SRGAP3: variants seen among roughly 807,000 people sequenced by gnomAD.
SRGAP3 encodes SLIT-ROBO Rho GTPase activating protein 3.
In SRGAP3, 39 loss-of-function variants were observed where a neutral mutation model predicts 121.1. The ratio of observed to expected loss-of-function variants is 0.32; its 90% confidence interval spans 0.25 to 0.42. The LOEUF (loss-of-function observed/expected upper bound fraction) is 0.42. SRGAP3 is among the 10% of genes least tolerant of loss of function. The pLI, the probability that SRGAP3 is intolerant of heterozygous loss-of-function variation, is 1.00. For missense variants in SRGAP3, 1,213 were observed against 1,470.6 expected, an observed-to-expected ratio of 0.82 and a Z score of 2.86; for synonymous variants, 601 against 570.0, an observed-to-expected ratio of 1.05 and a Z score of -0.77.
At chr3:9,085,142 C>T (rs1474779601) in intron 3 of SRGAP3, among the ~76,000 whole-genome samples, 2 of 152,252 alleles carry the variant, frequency 1.3e-5, no homozygotes, top group African/African-American at 2.4e-5. Context: ...GACTTTCTCT[C>T]TGGCAATGAA....
intron 2 of SRGAP3, among the ~76,000 whole-genome samples, chr3:9,115,911 G>A (rs1948787062): frequency 6.6e-6 from 1 of 152,134 alleles, no homozygotes; most frequent in Admixed American, 6.5e-5. Context: ...AAACCAAACA[G>A]TATATTCAAT....
chr3:9,348,953 C>T (rs914250834), intron 1 of SRGAP3: 1 of 941,132 alleles, frequency 1.1e-6, no homozygotes. Flanking sequence ...AGAAATAGTT[C>T]CCCAGATCAA....
At chr3:9,204,220 A>G (rs1952180818) in intron 1 of SRGAP3, among the ~76,000 whole-genome samples, 1 of 152,208 alleles carries the variant, frequency 6.6e-6, no homozygotes, top group African/African-American at 2.4e-5. Context: ...GCCCTGTGTG[A>G]CCCTCAGAAA....
intron 1 of SRGAP3, among the ~76,000 whole-genome samples, chr3:9,240,824 C>T (rs981383188): frequency 1.3e-5 from 2 of 152,172 alleles, no homozygotes; most frequent in Admixed American, 6.5e-5. Flanking sequence ...GCATCACAGC[C>T]GTGCGGGCAG....
chr3:9,109,585 A>G lies in SRGAP3; in HGVS notation c.261-4743T>C, dbSNP rs1224228805. On this transcript the variant is annotated intron_variant, in intron 2 of 21. Transcript: ENST00000383836. The surrounding 1 kb of genome is among the most constrained non-coding windows in gnomAD (Gnocchi z 4.4). ...AGGTGCTGCGAGTGCAGGAGCAACCAAGGCTGCAAGACCCTGCCCTGCAAG... is the reference window on the plus strand; with the variant it reads ...AGGTGCTGCGAGTGCAGGAGCAACCGAGGCTGCAAGACCCTGCCCTGCAAG... Among the ~76,000 whole-genome samples, 2 of 152,174 alleles carry G rather than the reference A, an allele frequency of 1.3e-5. No homozygotes were observed. Among genetic ancestry groups the G allele is most frequent in the Non-Finnish European group, 2.9e-5 (2 of 68,024 alleles).
In SRGAP3 at chr3:9,053,032, A is replaced by C. The variant is rs1945659566; in HGVS notation, c.1318T>G (p.Phe440Val). 1 of 1,613,978 alleles carries C rather than the reference A, an allele frequency of 6.2e-7. No homozygotes were observed. Among genetic ancestry groups the C allele is most frequent in the African/African-American group, 1.3e-5 (1 of 75,024 alleles). The stretch of plus-strand genomic sequence containing the variant: ...GGGCCCAGGATGCCACTTACTGTAA[A>C]ATAAAACATTTCTGTTTCCTGCTGG... The part of the protein sequence containing the change: ...ANQQETEMFY[F>V]TKFKEYVNGS... Residue 440 changes from phenylalanine to valine, a missense_variant, in exon 9 of 22, where the codon TTT (phenylalanine) becomes GTT (valine). Physicochemically the swap from Phe to Val is conservative, Grantham distance 50 (BLOSUM62 -1). This residue lies in a region of SRGAP3 where 793 missense variants were observed against 1,032.9 expected (regional missense o/e 0.77). Transcript: ENST00000383836.
chr3:9,198,747 T>G (rs1951984218), intron 1 of SRGAP3, among the ~76,000 whole-genome samples: 1 of 152,192 alleles, frequency 6.6e-6, no homozygotes. Context: ...CCCAGAGGCC[T>G]TGTCCTTTCT....
In SRGAP3 at chr3:9,137,417, C is replaced by G. The variant is rs191097418; in HGVS notation, c.68-12500G>C. ...CAGTGCTGGGTGAAGTGACTGGCAT[C>G]TCCCACACTGATTCTCACCACTACC... On this transcript the variant is annotated intron_variant, in intron 1 of 21. Transcript: ENST00000383836. Among the ~76,000 whole-genome samples the G allele has an allele frequency of 2.6e-4, 39 of 152,224 alleles. No individual in the cohort carries two copies. The East Asian group carries it at 7.0e-3, about 27-fold the overall frequency.
intron 3 of SRGAP3, 24 bp from the exon 4 acceptor site, chr3:9,080,111 C>A: frequency 6.2e-7 from 1 of 1,613,896 alleles, no homozygotes; most frequent in East Asian, 2.2e-5. Flanking sequence ...GAACAAATGT[C>A]AGCGGGGGAG....
At chr3:9,027,462 G>T (rs1385807566) in intron 12 of SRGAP3, among the ~76,000 whole-genome samples, 3 of 152,168 alleles carry the variant, frequency 2.0e-5, no homozygotes, top group African/African-American at 7.2e-5. Context: ...AGCAAGGCTG[G>T]CCCCTGGTGG....
intron 1 of SRGAP3, among the ~76,000 whole-genome samples, chr3:9,179,580 AC>A (rs1199093326): frequency 1.3e-5 from 2 of 152,244 alleles, no homozygotes; most frequent in Admixed American, 6.5e-5. Context: ...TAAGGTCACA[AC>A]AAGAAGTCAA....
At chr3:9,154,287 T>G (rs1031110350) in intron 1 of SRGAP3, among the ~76,000 whole-genome samples, 6 of 152,090 alleles carry the variant, frequency 3.9e-5, no homozygotes, top group African/African-American at 1.4e-4. Flanking sequence ...CAGTGTTCAT[T>G]TCTTCACCAC....
At chr3:9,224,826 C>T (rs566848184) in intron 1 of SRGAP3, among the ~76,000 whole-genome samples, 2 of 152,240 alleles carry the variant, frequency 1.3e-5, no homozygotes, top group African/African-American at 2.4e-5. Context: ...GCTGGCTGTG[C>T]AGGGAAGTGG....
At chr3:9,240,435 C>T (rs1426302554) in intron 1 of SRGAP3, among the ~76,000 whole-genome samples, 2 of 152,116 alleles carry the variant, frequency 1.3e-5, no homozygotes, top group African/African-American at 2.4e-5. Flanking sequence ...CAGGAGGCAG[C>T]CCAAACTCAC....
chr3:9,095,740 T>G lies in SRGAP3; in HGVS notation c.423+8940A>C, dbSNP rs115902044. Among the ~76,000 whole-genome samples the G allele has an allele frequency of 8.1e-4, 124 of 152,298 alleles. 1 individual carries two copies. Among genetic ancestry groups the G allele is most frequent in the South Asian group, 1.4e-3 (7 of 4,828 alleles). ...TATCACTCCAGAGGAAGCCTTGATATCTGATAAGGCCAATCCTCCAACAAA... is the reference window on the plus strand; with the variant it reads ...TATCACTCCAGAGGAAGCCTTGATAGCTGATAAGGCCAATCCTCCAACAAA... On this transcript the variant is annotated intron_variant, in intron 3 of 21. Transcript: ENST00000383836.
At chr3:9,042,732 G>A (rs530178557) in intron 10 of SRGAP3, among the ~76,000 whole-genome samples, 101 of 152,314 alleles carry the variant, frequency 6.6e-4, no homozygotes, top group African/African-American at 2.3e-3. Context: ...TTTTCAGGTA[G>A]ACACAAGCCC....
At chr3:9,354,681 CA>C (rs34026081) in intron 1 of SRGAP3, among the ~76,000 whole-genome samples, 10,874 of 70,598 alleles carry the variant, frequency 0.15, 287 homozygotes, top group Admixed American at 0.22. Context: ...GACTCCATCT[CA>C]AAAAAAAAAA....
At chr3:9,072,699 A>G (rs766603954) in intron 4 of SRGAP3, among the ~76,000 whole-genome samples, 1 of 152,222 alleles carries the variant, frequency 6.6e-6, no homozygotes, top group Non-Finnish European at 1.5e-5. Context: ...GACGGGGGAA[A>G]CCGAGTGTCA....
intron 1 of SRGAP3, among the ~76,000 whole-genome samples, chr3:9,202,556 G>A (rs1222412357): frequency 6.6e-6 from 1 of 152,226 alleles, no homozygotes; most frequent in Non-Finnish European, 1.5e-5. Context: ...CTTGTCTGGA[G>A]CAGAGGTTTC....
Sources: allele counts gnomAD v4.1 joint callset (sites outside exome capture counted in the v4.1 genomes callset), GRCh38; gene constraint gnomAD v4.1.1; regional missense constraint gnomAD v4.1.1; non-coding constraint Gnocchi (gnomAD v3.1); transcripts MANE v1.5; gene names NCBI Gene and HGNC (gene_info 2026-07-23, HGNC 2026-07-21).